The following RAPGEF6 variants were observed in gnomAD, a reference collection of about 807,000 sequenced individuals.
RAPGEF6 encodes Rap guanine nucleotide exchange factor 6.
RAPGEF6 carries 56 observed loss-of-function variants against 171.4 expected under a neutral mutation model. The observed-to-expected ratio is 0.33, with a 90% confidence interval of 0.26 to 0.41. RAPGEF6 has a LOEUF of 0.41. Ranked by LOEUF, RAPGEF6 falls within the 10% of genes least tolerant of loss-of-function variation. The pLI, the probability that RAPGEF6 is intolerant of heterozygous loss-of-function variation, is 1.00. For synonymous variants in RAPGEF6, 692 were observed against 650.1 expected, an observed-to-expected ratio of 1.06 and a Z score of -0.98; for missense variants, 1,674 against 1,921.4, an observed-to-expected ratio of 0.87 and a Z score of 2.41.
At chr5:131,551,644 G>A (rs766709887) in intron 5 of RAPGEF6, among the ~76,000 whole-genome samples, 4 of 151,868 alleles carry the variant, frequency 2.6e-5, no homozygotes, top group African/African-American at 4.8e-5. Context: ...TTAGACAAAA[G>A]TCCAATATTA....
At chr5:131,489,753 T>C in intron 14 of RAPGEF6, 99 bp from the exon 15 acceptor site, 1 of 601,710 alleles carries the variant, frequency 1.7e-6, no homozygotes, top group Non-Finnish European at 2.8e-6. Context: ...GAAACTTGAA[T>C]AAAATGTACT....
chr5:131,544,827 C>G (rs1251017422), intron 6 of RAPGEF6, among the ~76,000 whole-genome samples: 1 of 152,124 alleles, frequency 6.6e-6, no homozygotes, highest in Non-Finnish European at 1.5e-5. Flanking sequence ...GGATTACAGG[C>G]AAGCGCCACC....
chr5:131,480,591 G>C (rs193458), intron 15 of RAPGEF6, among the ~76,000 whole-genome samples: 113,582 of 151,902 alleles, frequency 0.75, 42,744 homozygotes, highest in Middle Eastern at 0.81. Flanking sequence ...CGATTCTCTT[G>C]CCTCGGCTTC....
intron 1 of RAPGEF6, among the ~76,000 whole-genome samples, chr5:131,624,822 TA>T (rs1765805399): frequency 6.6e-6 from 1 of 152,170 alleles, no homozygotes; most frequent in Admixed American, 6.5e-5. Context: ...AATATGTTTG[TA>T]AAAATTAATC....
At position 131,430,996 on chromosome 5, in the gene RAPGEF6, T is replaced by C. The variant is rs761914985; in HGVS notation, c.4328A>G (p.Tyr1443Cys). Residue 1443 changes from tyrosine to cysteine, a missense_variant, in exon 26 of 28, where the codon TAT becomes TGT. This residue lies in a region of RAPGEF6 where 552 missense variants were observed against 574.2 expected (regional missense o/e 0.96). Transcript: ENST00000509018. ...TTTAACTGTCCCATAGTTTGGTTCA[T>C]ACGTGTCAGACAGAGAACTGGAGGA... ...WTSSSSLSDT[Y>C]EPNYGTVKQR... 38 of 1,614,106 alleles carry C rather than the reference T, an allele frequency of 2.4e-5. No individual in the cohort carries two copies. Among genetic ancestry groups the C allele is most frequent in the Admixed American group, 3.3e-5 (2 of 60,000 alleles).
chr5:131,516,017 C>T (rs952163227), intron 7 of RAPGEF6, among the ~76,000 whole-genome samples: 3 of 143,430 alleles, frequency 2.1e-5, no homozygotes, highest in African/African-American at 7.9e-5. Context: ...AAGATGATAA[C>T]AGATTTTGAC....
In RAPGEF6 at chr5:131,615,449, T is replaced by C. The variant is rs544827351; in HGVS notation, c.70-10756A>G. 1.7e-3 allele frequency among the ~76,000 whole-genome samples: 260 copies of C among 152,292 alleles called. 1 individual carries two copies. The highest frequency in any genetic ancestry group is 1.9e-3 in the Non-Finnish European group (130 of 68,024). ...AAGCTTGAGGTACTATATTATCTAT[T>C]AGGCATAAAGTCACAAATAAAAAAA... On this transcript the variant is annotated intron_variant, in intron 1 of 27. Coordinates refer to ENST00000509018, the MANE Select transcript of RAPGEF6 (RefSeq NM_016340.6).
chr5:131,453,182 A>C lies in RAPGEF6; in HGVS notation c.3077-5T>G. On this transcript the variant is annotated splice_region_variant and splice_polypyrimidine_tract_variant and intron_variant, in intron 20 of 27. Transcript: ENST00000509018. Reference sequence around the variant, plus strand: ...CATCTACTTTGGAGTCATTTCCTATAGAATGAAAATAAATGTTTAAGTTCA... The same window carrying C: ...CATCTACTTTGGAGTCATTTCCTATCGAATGAAAATAAATGTTTAAGTTCA... 1 of 1,591,888 alleles carries C rather than the reference A, an allele frequency of 6.3e-7. No individual in the cohort carries two copies.
Position 131,498,518 on chromosome 5 carries a change from CCTGT to C in RAPGEF6, c.1340_1343del (p.Tyr447Ter). On this transcript the variant is annotated frameshift_variant, in exon 12 of 28. Coordinates refer to ENST00000509018, the MANE Select transcript of RAPGEF6 (RefSeq NM_016340.6). LOFTEE classifies it high-confidence loss of function. ...CATCCAAAGGACTTTCAAGAAATGT[CCTGT>C]AAGTTAATAGAAAATCTTCTATATA... is the stretch of plus-strand genomic sequence containing the variant. 6.2e-7 allele frequency: 1 copy of C among 1,613,732 alleles called. No homozygotes were observed. The highest frequency in any genetic ancestry group is 8.5e-7 in the Non-Finnish European group (1 of 1,179,900).
intron 21 of RAPGEF6, among the ~76,000 whole-genome samples, chr5:131,448,279 G>C (rs1469143952): frequency 6.6e-6 from 1 of 152,042 alleles, no homozygotes; most frequent in Non-Finnish European, 1.5e-5. Flanking sequence ...AGAAATTTTA[G>C]GAAAACCTAA....
intron 19 of RAPGEF6, among the ~76,000 whole-genome samples, chr5:131,457,157 G>T (rs1329778999): frequency 6.6e-6 from 1 of 152,110 alleles, no homozygotes; most frequent in African/African-American, 2.4e-5. Flanking sequence ...TGCCTCCCAG[G>T]GTCAAGTGAT....
At chr5:131,443,817 T>A (rs1561468591) in intron 22 of RAPGEF6, among the ~76,000 whole-genome samples, 2 of 152,240 alleles carry the variant, frequency 1.3e-5, no homozygotes. Flanking sequence ...TGCCAGTAAC[T>A]GACTGAAAAC....
chr5:131,528,338 T>TATATATATAC, intron 6 of RAPGEF6, among the ~76,000 whole-genome samples: 1 of 26,308 alleles, frequency 3.8e-5, no homozygotes, highest in African/African-American at 5.9e-5. Flanking sequence ...TATATATATA[T>TATATATATAC]ACACACACAC....
At chr5:131,547,807 C>A (rs538862997) in intron 6 of RAPGEF6, among the ~76,000 whole-genome samples, 174 of 152,050 alleles carry the variant, frequency 1.1e-3, no homozygotes, top group African/African-American at 4.1e-3. Context: ...CTGCACCCAG[C>A]CTAATAACTT....
At chr5:131,450,523 C>T (rs1752997096) in intron 21 of RAPGEF6, among the ~76,000 whole-genome samples, 1 of 152,040 alleles carries the variant, frequency 6.6e-6, no homozygotes, top group African/African-American at 2.4e-5. Flanking sequence ...AAATTTCTGA[C>T]AAGATGTCTT....
chr5:131,489,675 A>T, intron 14 of RAPGEF6, 21 bp from the exon 15 acceptor site: 1 of 1,311,036 alleles, frequency 7.6e-7, no homozygotes, highest in Non-Finnish European at 1.1e-6. Flanking sequence ...TTTAAAAAAT[A>T]CAAATTAATA....
Position 131,426,294 on chromosome 5 carries a change from A to G in RAPGEF6, c.*972T>C, listed in dbSNP as rs943658860. 6.6e-6 allele frequency: 1 copy of G among 152,296 alleles called. No individual in the cohort carries two copies. Among genetic ancestry groups the G allele is most frequent in the African/African-American group, 2.4e-5 (1 of 41,440 alleles). The allele number at this position is 152,296 out of a possible 1,614,324, so 9.4% of individuals were successfully genotyped here. On this transcript the variant is annotated 3_prime_UTR_variant, in exon 28 of 28. Transcript: ENST00000509018. ...CGTCTTCATTATTACAACACCCATG[A>G]TAAGAATTTCTTTAAAAAAAGTATT...
intron 20 of RAPGEF6, among the ~76,000 whole-genome samples, chr5:131,453,994 G>C (rs577121661): frequency 6.6e-6 from 1 of 152,218 alleles, no homozygotes; most frequent in Non-Finnish European, 1.5e-5. Flanking sequence ...GATCAGAAAA[G>C]CTGGACAAAA....
intron 4 of RAPGEF6, among the ~76,000 whole-genome samples, chr5:131,564,618 A>G (rs1761812055): frequency 6.6e-6 from 1 of 152,238 alleles, no homozygotes; most frequent in Non-Finnish European, 1.5e-5. Context: ...AACAAGCAAC[A>G]ACAAACCAGG....
Sources: allele counts gnomAD v4.1 joint callset (sites outside exome capture counted in the v4.1 genomes callset), GRCh38; gene constraint gnomAD v4.1.1; regional missense constraint gnomAD v4.1.1; transcripts MANE v1.5; gene names NCBI Gene and HGNC (gene_info 2026-07-23, HGNC 2026-07-21).